The following TRAK1 variants were observed in gnomAD, a reference collection of about 807,000 sequenced individuals.
TRAK1 encodes the protein trafficking kinesin protein 1.
Under a neutral mutation model 92.1 loss-of-function variants are expected in TRAK1, and 33 were observed. The observed-to-expected ratio is 0.36, with a 90% CI of 0.27 to 0.48. TRAK1 has a LOEUF of 0.48. TRAK1 is among the 20% of genes least tolerant of loss of function. The pLI is 0.99. For missense variants in TRAK1, 1,123 were observed against 1,257.9 expected, an observed-to-expected ratio of 0.89 and a Z score of 1.62; for synonymous variants, 521 against 517.3, an observed-to-expected ratio of 1.01 and a Z score of -0.10.
rs192591830 is a variant in TRAK1 at position 42,138,204 on chromosome 3, C to T, written c.286+12590C>T. 1.9e-4 allele frequency among the ~76,000 whole-genome samples: 29 copies of T among 152,252 alleles called. No homozygotes were observed. In the East Asian group the frequency reaches 4.2e-3, roughly 22 times the overall value. Reference sequence around the variant, plus strand: ...GAACCCTATAGACATATGCACTTAACTCTCTAAGCATGTTTTAAATTACAC... The same window carrying T: ...GAACCCTATAGACATATGCACTTAATTCTCTAAGCATGTTTTAAATTACAC... On this transcript the variant is annotated intron_variant, in intron 2 of 15. Transcript: ENST00000327628.
intron 1 of TRAK1, among the ~76,000 whole-genome samples, chr3:42,044,836 GT>G (rs141711504): frequency 2.0e-5 from 3 of 151,344 alleles, no homozygotes; most frequent in Non-Finnish European, 3.0e-5. Context: ...CCTGTGCTCT[GT>G]TTTTTTTTAC....
chr3:42,210,124 G>A lies in TRAK1; in HGVS notation c.1963+139G>A. ...GAGGAGGAGGAGGAGGAGGGGTCTGGTGAGGGCACCACGATAAGTCCTGTA... is the reference window on the plus strand; with the variant it reads ...GAGGAGGAGGAGGAGGAGGGGTCTGATGAGGGCACCACGATAAGTCCTGTA... On this transcript the variant is annotated intron_variant, in intron 14 of 15. Transcript: ENST00000327628. 3.1e-6 allele frequency: 5 copies of A among 1,606,680 alleles called. No homozygotes were observed. The South Asian group carries it at 3.3e-5, about 11-fold the overall frequency.
chr3:42,124,411 CTTAT>C (rs1710296491), intron 1 of TRAK1, among the ~76,000 whole-genome samples: 2 of 152,212 alleles, frequency 1.3e-5, no homozygotes, highest in African/African-American at 4.8e-5. Context: ...CCCATTAGCA[CTTAT>C]TTAATTCAGT....
At chr3:42,160,549 C>A in intron 2 of TRAK1, 239 of 1,281,208 alleles carry the variant, frequency 1.9e-4, no homozygotes, top group Non-Finnish European at 2.4e-4. Flanking sequence ...TTGCTGATTT[C>A]ATAGCACTGT....
intron 1 of TRAK1, among the ~76,000 whole-genome samples, chr3:42,031,036 T>C (rs1224961997): frequency 7.0e-6 from 1 of 141,890 alleles, no homozygotes; most frequent in Non-Finnish European, 1.5e-5. Context: ...TATTTGAATT[T>C]TTTTTTTTTT....
At chr3:42,121,677 C>A (rs1407553313) in intron 1 of TRAK1, among the ~76,000 whole-genome samples, 1 of 152,156 alleles carries the variant, frequency 6.6e-6, no homozygotes, top group East Asian at 1.9e-4. Context: ...GGGCTTTTGG[C>A]CTTGTGGCCA....
chr3:42,113,437 C>T (rs9855913), intron 1 of TRAK1, among the ~76,000 whole-genome samples: 65,370 of 145,700 alleles, frequency 0.45, 15,245 homozygotes, highest in South Asian at 0.62. Flanking sequence ...TTTTTTGAGG[C>T]AGAGAGGCAG....
At chr3:42,176,346 T>G (rs1703208568) in intron 2 of TRAK1, among the ~76,000 whole-genome samples, 1 of 152,192 alleles carries the variant, frequency 6.6e-6, no homozygotes, top group South Asian at 2.1e-4. Context: ...AAGACTATTG[T>G]TTAATAATTA....
In TRAK1 at chr3:42,091,424, A is replaced by AG; in HGVS notation, c.-44dup. On this transcript the variant is annotated 5_prime_UTR_variant, in exon 1 of 16. It removes the in-frame stop codon of an upstream open reading frame in the 5' UTR. Transcript: ENST00000327628. Reference sequence around the variant, plus strand: ...TACTGCCGGGGCTGAGCTCTCATGGAGGCTCTCTCTGTTCTCTGAAGTGCC... The same window carrying AG: ...TACTGCCGGGGCTGAGCTCTCATGGAGGGCTCTCTCTGTTCTCTGAAGTGCC... 1.9e-6 allele frequency: 3 copies of AG among 1,577,444 alleles called. No individual in the cohort carries two copies. Among genetic ancestry groups the AG allele is most frequent in the Non-Finnish European group, 1.7e-6 (2 of 1,151,118 alleles).
At chr3:42,199,581 G>T (rs989404784) in intron 11 of TRAK1, among the ~76,000 whole-genome samples, 2 of 152,132 alleles carry the variant, frequency 1.3e-5, no homozygotes, top group Non-Finnish European at 1.5e-5. Context: ...TCAGCCTCTT[G>T]AGTAGCTAGG....
intron 1 of TRAK1, among the ~76,000 whole-genome samples, chr3:42,062,224 G>A (rs899076319): frequency 1.3e-5 from 2 of 151,902 alleles, no homozygotes; most frequent in Admixed American, 6.5e-5. Flanking sequence ...TGTTACTCTT[G>A]TGAAACTCTC....
chr3:42,141,381 G>A (rs1466812646), intron 2 of TRAK1, among the ~76,000 whole-genome samples: 1 of 152,024 alleles, frequency 6.6e-6, no homozygotes, highest in Admixed American at 6.6e-5. Context: ...TCAGTACTGT[G>A]GGTTTAATTC....
intron 1 of TRAK1, among the ~76,000 whole-genome samples, chr3:42,079,198 A>G (rs971187795): frequency 2.6e-5 from 4 of 152,202 alleles, no homozygotes; most frequent in African/African-American, 7.2e-5. Context: ...TACAGTAGTA[A>G]TAGAACACTG....
Position 42,097,704 on chromosome 3 carries a change from G to T in TRAK1, c.91+6144G>T, listed in dbSNP as rs141839634. On this transcript the variant is annotated intron_variant, in intron 1 of 15. Coordinates refer to ENST00000327628, the MANE Select transcript of TRAK1 (RefSeq NM_001042646.3). ...CCCTCATGTAGCACATCACTGCCTG[G>T]TAGGCTTGGATTTCGAATTCTGGAT... Among the ~76,000 whole-genome samples the T allele has an allele frequency of 5.0e-3, 759 of 152,208 alleles. 4 individuals are homozygous for T. The highest frequency in any genetic ancestry group is 0.017 in the African/African-American group (703 of 41,512).
chr3:42,135,834 CCT>C (rs1349546034), intron 2 of TRAK1, among the ~76,000 whole-genome samples: 1 of 152,150 alleles, frequency 6.6e-6, no homozygotes, highest in African/African-American at 2.4e-5. Flanking sequence ...TTGGCTGTTG[CCT>C]CTCTGCAGGT....
chr3:42,163,614 A>T (rs1221518608), intron 2 of TRAK1, among the ~76,000 whole-genome samples: 1 of 150,968 alleles, frequency 6.6e-6, no homozygotes, highest in Non-Finnish European at 1.5e-5. Context: ...GTCCCACTCC[A>T]GACCTACTGA....
chr3:42,101,529 A>G (rs564821387), intron 1 of TRAK1, among the ~76,000 whole-genome samples: 11 of 152,284 alleles, frequency 7.2e-5, no homozygotes, highest in Admixed American at 5.9e-4. Context: ...GGGGAAGGAC[A>G]TGACTCTTAC....
intron 1 of TRAK1, among the ~76,000 whole-genome samples, chr3:42,044,160 TTTTA>T (rs1312340810): frequency 3.3e-5 from 5 of 152,144 alleles, no homozygotes; most frequent in East Asian, 1.9e-4. Flanking sequence ...CTGCTTTTCA[TTTTA>T]TTTATTTATT....
intron 1 of TRAK1, among the ~76,000 whole-genome samples, chr3:42,030,108 A>C (rs933168761): frequency 1.1e-4 from 17 of 152,282 alleles, no homozygotes; most frequent in Middle Eastern, 3.4e-3. Context: ...TAAGTCAGAA[A>C]ACATTTACAT....
Sources: allele counts gnomAD v4.1 joint callset (sites outside exome capture counted in the v4.1 genomes callset), GRCh38; gene constraint gnomAD v4.1.1; transcripts MANE v1.5; gene names NCBI Gene and HGNC (gene_info 2026-07-23, HGNC 2026-07-21).